COBL: variants seen among roughly 807,000 people sequenced by gnomAD.
COBL encodes the protein protein cordon-bleu.
COBL carries 51 observed loss-of-function variants against 98.8 expected under a neutral mutation model. The ratio of observed to expected loss-of-function variants is 0.52; its 90% confidence interval spans 0.41 to 0.65. The LOEUF (loss-of-function observed/expected upper bound fraction) is 0.65, where lower values mean the gene tolerates loss of function less well. COBL is among the 30% of genes least tolerant of loss of function. COBL has a pLI of 0.00. For synonymous variants in COBL, 634 were observed against 651.7 expected (o/e 0.97, Z 0.41); for missense variants, 1,617 against 1,617.5 (o/e 1.00, Z 0.01).
rs190698407 is a variant in COBL at position 51,266,334 on chromosome 7, T to A, written c.42-46390A>T. Among the ~76,000 whole-genome samples, 3 of 152,330 alleles carry A rather than the reference T, an allele frequency of 2.0e-5. No homozygotes were observed. In the East Asian group the frequency reaches 5.8e-4, roughly 29 times the overall value. On this transcript the variant is annotated intron_variant, in intron 1 of 12. Transcript: ENST00000265136. ...TGGCTCAAGCCTATAATCCCAGCATTCTGGGAGGCCGAGGCAGGTGGATCA... is the reference window on the plus strand; with the variant it reads ...TGGCTCAAGCCTATAATCCCAGCATACTGGGAGGCCGAGGCAGGTGGATCA...
At chr7:51,246,364 T>G (rs1162178912) in intron 1 of COBL, among the ~76,000 whole-genome samples, 3 of 152,188 alleles carry the variant, frequency 2.0e-5, no homozygotes, top group Non-Finnish European at 4.4e-5. Flanking sequence ...AAATGCTGTT[T>G]GTTGTCAGCA....
intron 2 of COBL, among the ~76,000 whole-genome samples, chr7:51,217,873 C>A (rs989735921): frequency 6.6e-6 from 1 of 152,242 alleles, no homozygotes; most frequent in Non-Finnish European, 1.5e-5. Flanking sequence ...TCCTGTCTCT[C>A]CACTGTGCAT....
intron 11 of COBL, among the ~76,000 whole-genome samples, chr7:51,026,288 C>T (rs1023740338): frequency 2.0e-5 from 3 of 152,226 alleles, no homozygotes; most frequent in African/African-American, 7.2e-5. Flanking sequence ...GTTCTAGGCA[C>T]AGGAAGGAAC....
chr7:51,025,313 C>T lies in COBL; in HGVS notation c.3564G>A (p.Gln1188=), dbSNP rs1446398721. The change falls in exon 12 of 13, where the codon CAG becomes CAA. Residue 1188 remains glutamine, a synonymous_variant. Transcript: ENST00000265136. ...CTTCTAGCAGAGGACTTTCCGAGCCCTGAGCAGAGAGTGCGGCATCTCGGA... is the reference window on the plus strand; with the variant it reads ...CTTCTAGCAGAGGACTTTCCGAGCCTTGAGCAGAGAGTGCGGCATCTCGGA... The part of the protein sequence containing the change: ...QSFRDAALSA[Q]GSESPLLEDL... 1 of 1,612,878 alleles carries T rather than the reference C, an allele frequency of 6.2e-7. No homozygotes were observed. Among genetic ancestry groups the T allele is most frequent in the Admixed American group, 1.7e-5 (1 of 59,988 alleles).
rs73695281 is a variant in COBL, at chr7:51,083,625, T to C, written c.1096+1541A>G. ...CTTTTTCAGGTTCACAGATCTGTTT[T>C]TAGCCTACTCTTGTTGCTTTTCTAG... On this transcript the variant is annotated intron_variant, in intron 7 of 12. Transcript: ENST00000265136. Among the ~76,000 whole-genome samples the C allele has an allele frequency of 2.1e-3, 322 of 152,368 alleles. 1 individual carries two copies. The highest frequency in any genetic ancestry group is 7.6e-3 in the African/African-American group (317 of 41,592).
At chr7:51,124,287 T>C (rs1414874490) in intron 6 of COBL, among the ~76,000 whole-genome samples, 5 of 152,178 alleles carry the variant, frequency 3.3e-5, no homozygotes, top group African/African-American at 1.2e-4. Context: ...CCACATGCAA[T>C]TTGTCTGGCA....
At chr7:51,235,903 T>C (rs1302287353) in intron 1 of COBL, among the ~76,000 whole-genome samples, 1 of 152,024 alleles carries the variant, frequency 6.6e-6, no homozygotes, top group East Asian at 1.9e-4. Context: ...CCCCCACCAT[T>C]CACACAGTCC....
chr7:51,203,556 G>A (rs1288719533), intron 2 of COBL, among the ~76,000 whole-genome samples: 2 of 127,826 alleles, frequency 1.6e-5, no homozygotes, highest in Admixed American at 7.9e-5. Context: ...AAATATCTTA[G>A]AAATATGAAT....
intron 2 of COBL, among the ~76,000 whole-genome samples, chr7:51,205,380 T>A (rs1791569457): frequency 6.6e-6 from 1 of 152,084 alleles, no homozygotes; most frequent in Non-Finnish European, 1.5e-5. Context: ...AGTCAGCAGA[T>A]CTTTGCCAAG....
chr7:51,311,023 T>C (rs962967414), intron 1 of COBL, among the ~76,000 whole-genome samples: 1 of 152,114 alleles, frequency 6.6e-6, no homozygotes, highest in Admixed American at 6.5e-5. Flanking sequence ...TGATGTCCTT[T>C]TTACAGGCAT....
rs767759467 is a variant in COBL, at chr7:51,184,170, C to G, written c.715G>C (p.Asp239His). Residue 239 changes from aspartate (D) to histidine (H), a missense_variant, in exon 5 of 13, where the codon GAT (aspartate) becomes CAT (histidine). Transcript: ENST00000265136. ...ETFRKSSLGN[D>H]ETDKEKKKFL... ...TTTTTCTTCTCTTTATCTGTCTCAT[C>G]ATTGCCAAGTGATGATTTCCTAAAG... 6.4e-7 allele frequency: 1 copy of G among 1,563,760 alleles called. No homozygotes were observed. Among genetic ancestry groups the G allele is most frequent in the Non-Finnish European group, 8.7e-7 (1 of 1,154,714 alleles).
At position 51,274,848 on chromosome 7, in the gene COBL, ATCTGAGATACTTTCAGGGTTT is replaced by A. The variant is rs550124205; in HGVS notation, c.41+41724_41+41744del. On this transcript the variant is annotated intron_variant, in intron 1 of 12. Transcript: ENST00000265136. ...TAAGATAGAAGATCAGCATTTGGGA[ATCTGAGATACTTTCAGGGTTT>A]TCTGAGATACTTTCAGTAAAAAGAA... Among the ~76,000 whole-genome samples, 5 of 152,372 alleles carry A rather than the reference ATCTGAGATACTTTCAGGGTTT, an allele frequency of 3.3e-5. No homozygotes were observed. In the South Asian group the frequency reaches 8.3e-4, roughly 25 times the overall value.
At chr7:51,157,479 C>T (rs1302673210) in intron 5 of COBL, among the ~76,000 whole-genome samples, 2 of 152,200 alleles carry the variant, frequency 1.3e-5, no homozygotes, top group East Asian at 3.9e-4. Flanking sequence ...GGCCTGGCTC[C>T]TCTGTGTGTC....
rs746110032 is a variant in COBL, at chr7:51,025,314, T to C, written c.3563A>G (p.Gln1188Arg). Residue 1188 changes from glutamine (Q) to arginine (R), a missense_variant, in exon 12 of 13, where the codon CAG becomes CGG. Around this residue, in one of 3 missense-constraint regions of COBL, gnomAD observed 1,304 missense variants for 1,282.0 expected, o/e 1.02. Coordinates refer to ENST00000265136, the MANE Select transcript of COBL (RefSeq NM_015198.5). ...QSFRDAALSA[Q>R]GSESPLLEDL... ...TTCTAGCAGAGGACTTTCCGAGCCC[T>C]GAGCAGAGAGTGCGGCATCTCGGAA... 6.2e-7 allele frequency: 1 copy of C among 1,612,878 alleles called. No individual in the cohort carries two copies.
intron 4 of COBL, 51 bp from the exon 5 acceptor site, chr7:51,184,250 C>G (rs1789268905): frequency 9.9e-7 from 1 of 1,006,390 alleles, no homozygotes. Flanking sequence ...ACAAGAGATT[C>G]AATACTTTAC....
chr7:51,107,691 C>T (rs1349013141), intron 6 of COBL, among the ~76,000 whole-genome samples: 5 of 152,144 alleles, frequency 3.3e-5, no homozygotes, highest in Non-Finnish European at 5.9e-5. Context: ...AGACCTCTCA[C>T]CTCTCCGTAC....
chr7:51,303,371 C>A (rs1397248436), intron 1 of COBL, among the ~76,000 whole-genome samples: 2 of 152,100 alleles, frequency 1.3e-5, no homozygotes. Context: ...ACCAGCAAAA[C>A]CCATCTCTAC....
At chr7:51,284,826 C>CAA (rs74813357) in intron 1 of COBL, among the ~76,000 whole-genome samples, 1 of 115,744 alleles carries the variant, frequency 8.6e-6, no homozygotes, top group East Asian at 2.5e-4. Context: ...GACTCCGTCT[C>CAA]AAAAAAAAAA....
intron 1 of COBL, among the ~76,000 whole-genome samples, chr7:51,306,295 C>A (rs977998745): frequency 6.6e-6 from 1 of 152,148 alleles, no homozygotes; most frequent in South Asian, 2.1e-4. Context: ...CAACAGGGCC[C>A]ACTCACCTGC....
Sources: allele counts gnomAD v4.1 joint callset (sites outside exome capture counted in the v4.1 genomes callset), GRCh38; gene constraint gnomAD v4.1.1; regional missense constraint gnomAD v4.1.1; transcripts MANE v1.5; gene names NCBI Gene and HGNC (gene_info 2026-07-23, HGNC 2026-07-21).